Variants in SEMA3A observed in about 807,000 individuals in gnomAD.
SEMA3A encodes semaphorin-3A.
SEMA3A carries 29 observed loss-of-function variants against 97.9 expected under a neutral mutation model. That is an observed-to-expected ratio of 0.30 (90% CI 0.22 to 0.40). SEMA3A has a LOEUF of 0.40. Among genes scored for constraint, SEMA3A ranks in the 10% least tolerant of loss-of-function variants. The pLI is 1.00. For missense variants in SEMA3A, 763 were observed against 951.3 expected (o/e 0.80, Z 2.60); for synonymous variants, 321 against 323.7 (o/e 0.99, Z 0.09).
rs761061714 is a variant in SEMA3A, at chr7:84,014,287, G to A, written c.732C>T (p.Tyr244=). The A allele has an allele frequency of 1.2e-6, 2 of 1,613,108 alleles. No individual in the cohort carries two copies. The highest frequency in any genetic ancestry group is 1.7e-6 in the Non-Finnish European group (2 of 1,179,422). The change falls in exon 7 of 17, where the codon TAC becomes TAT. Residue 244 remains tyrosine, a synonymous_variant. Coordinates refer to ENST00000265362, the MANE Select transcript of SEMA3A (RefSeq NM_006080.3). ...CTATTGCATTTTCACGGAAGAAAAA[G>A]TATACTTTGTCATCTTCAGGATTGT... The part of the protein sequence containing the change: ...ESDNPEDDKV[Y]FFFRENAIDG...
At chr7:84,468,103 CTCATTGAAGAGTCTGGAAAAT>C (rs1806052443) in intron 1 of SEMA3A, among the ~76,000 whole-genome samples, 2 of 152,160 alleles carry the variant, frequency 1.3e-5, no homozygotes, top group Admixed American at 6.5e-5. Flanking sequence ...GTCCAACGAA[CTCATTGAAGAGTCTGGAAAAT>C]TTAAAACGAG....
At chr7:84,473,532 G>T (rs1039507526) in intron 1 of SEMA3A, among the ~76,000 whole-genome samples, 3 of 151,788 alleles carry the variant, frequency 2.0e-5, no homozygotes, top group Non-Finnish European at 4.4e-5. Flanking sequence ...GGGATTACAG[G>T]TGTGCACCAC....
chr7:84,131,780 T>A (rs1208368445), intron 2 of SEMA3A, among the ~76,000 whole-genome samples: 2 of 71,532 alleles, frequency 2.8e-5, no homozygotes, highest in Non-Finnish European at 5.0e-5. Context: ...AATTATTTAT[T>A]TATTTATTTA....
intron 3 of SEMA3A, among the ~76,000 whole-genome samples, chr7:84,282,136 C>A (rs183358192): frequency 4.5e-4 from 69 of 152,266 alleles, no homozygotes; most frequent in Non-Finnish European, 1.8e-4. Context: ...GCATATGTCA[C>A]AACATCATCC....
At chr7:84,197,547 A>G (rs1798259871), upstream of SEMA3A, among the ~76,000 whole-genome samples, 1 of 151,878 alleles carries the variant, frequency 6.6e-6, no homozygotes, top group Non-Finnish European at 1.5e-5. Context: ...AGAGTTGAAT[A>G]AAATTGTTTA....
intron 1 of SEMA3A, among the ~76,000 whole-genome samples, chr7:84,383,085 G>A (rs1158699559): frequency 3.9e-5 from 6 of 151,946 alleles, no homozygotes; most frequent in Admixed American, 1.3e-4. Flanking sequence ...TCTCTCTAAA[G>A]TTTTAGCCTA....
chr7:84,195,483 T>C (rs1798202399), upstream of SEMA3A: 3 of 151,776 alleles, frequency 2.0e-5, no homozygotes, highest in Non-Finnish European at 4.4e-5. Flanking sequence ...CTTTAACCAC[T>C]GAAGGTTTTA....
rs144395800 is a variant in SEMA3A, at chr7:84,467,245, G to A, written c.-246+25215C>T. ...TAAAGTAGAAATCAATTCCAGGGCC[G>A]GGCGCAGTGCCTCATGCCTGTAATC... On this transcript the variant is annotated intron_variant, in intron 1 of 3. Coordinates refer to the SEMA3A transcript ENST00000424555. Among the ~76,000 whole-genome samples the A allele has an allele frequency of 3.0e-3, 450 of 152,104 alleles. 1 individual carries two copies. Among genetic ancestry groups the A allele is most frequent in the African/African-American group, 0.01 (429 of 41,494 alleles).
rs112348641 is a variant in SEMA3A, at chr7:84,229,983, C to T, written c.-82-35315G>A. On this transcript the variant is annotated intron_variant, in intron 3 of 3. Coordinates refer to the SEMA3A transcript ENST00000424555. The stretch of plus-strand genomic sequence containing the variant: ...CTGGGACTGGCTCTGATCTTACCCC[C>T]CCTTTACTCTACTCAGTTCTCTTCA... Among the ~76,000 whole-genome samples the T allele has an allele frequency of 5.3e-5, 8 of 152,114 alleles. 1 individual carries two copies. Among genetic ancestry groups the T allele is most frequent in the African/African-American group, 1.9e-4 (8 of 41,524 alleles).
chr7:84,170,422 A>T (rs1034965800), intron 1 of SEMA3A, among the ~76,000 whole-genome samples: 1 of 151,944 alleles, frequency 6.6e-6, no homozygotes, highest in African/African-American at 2.4e-5. Context: ...GGTGCTTTTT[A>T]TGCTAATAAC....
At chr7:84,136,847 T>G (rs1367368517) in intron 1 of SEMA3A, among the ~76,000 whole-genome samples, 1 of 151,628 alleles carries the variant, frequency 6.6e-6, no homozygotes, top group Non-Finnish European at 1.5e-5. Flanking sequence ...CATTTCTTCA[T>G]GAGAAATAGT....
intron 4 of SEMA3A, among the ~76,000 whole-genome samples, chr7:84,063,110 C>A (rs879176159): frequency 4.6e-5 from 7 of 151,954 alleles, no homozygotes; most frequent in Admixed American, 4.6e-4. Context: ...GGTCCCTGAC[C>A]CCTGACCCCT....
intron 4 of SEMA3A, among the ~76,000 whole-genome samples, chr7:84,098,684 T>G (rs2115886814): frequency 6.6e-6 from 1 of 152,266 alleles, no homozygotes; most frequent in South Asian, 2.1e-4. Context: ...TGGATTTAAC[T>G]TGAAATTCAA....
chr7:84,157,064 A>G (rs1796866634), intron 1 of SEMA3A, among the ~76,000 whole-genome samples: 1 of 152,192 alleles, frequency 6.6e-6, no homozygotes, highest in Non-Finnish European at 1.5e-5. Flanking sequence ...ATTTTGATCA[A>G]GTGATTAAAT....
chr7:84,136,958 GAAGAAGGAAGGA>G (rs1222309977), intron 1 of SEMA3A, among the ~76,000 whole-genome samples: 4 of 44,802 alleles, frequency 8.9e-5, no homozygotes, highest in Admixed American at 2.7e-4. Flanking sequence ...AGGAGGGAGG[GAAGAAGGAAGGA>G]AGGAAGGAAG....
At position 84,001,982 on chromosome 7, in the gene SEMA3A, A is replaced by T; in HGVS notation, c.1425T>A (p.Val475=). ...PKETWYDLEE[V]LLEEMTVFRE... ...GAAAAACTGTCATTTCTTCCAGCAG[A>T]ACCTCTTCTAAATCATACCAAGTCT... The change falls in exon 12 of 17, where the codon GTT becomes GTA. Residue 475 remains valine (V), a synonymous_variant. Coordinates refer to ENST00000265362, the MANE Select transcript of SEMA3A (RefSeq NM_006080.3). 2 of 1,612,868 alleles carry T rather than the reference A, an allele frequency of 1.2e-6. No individual in the cohort carries two copies. The highest frequency in any genetic ancestry group is 1.1e-5 in the South Asian group (1 of 91,026).
intron 3 of SEMA3A, among the ~76,000 whole-genome samples, chr7:84,234,697 A>C (rs1017996816): frequency 2.0e-5 from 3 of 151,972 alleles, no homozygotes; most frequent in African/African-American, 7.2e-5. Context: ...TATCCCCTCC[A>C]TTCCAGCCCC....
chr7:84,457,969 G>C (rs905992993), intron 1 of SEMA3A, among the ~76,000 whole-genome samples: 4 of 151,910 alleles, frequency 2.6e-5, no homozygotes, highest in Non-Finnish European at 5.9e-5. Flanking sequence ...AGCCACCTTG[G>C]TAAGTGACCA....
chr7:84,368,998 T>A (rs2116093756), intron 2 of SEMA3A, among the ~76,000 whole-genome samples: 1 of 151,136 alleles, frequency 6.6e-6, no homozygotes, highest in East Asian at 2.0e-4. Context: ...ACTGCAGATC[T>A]CACTAGATCA....
Sources: allele counts gnomAD v4.1 joint callset (sites outside exome capture counted in the v4.1 genomes callset), GRCh38; gene constraint gnomAD v4.1.1; transcripts MANE v1.5; gene names NCBI Gene and HGNC (gene_info 2026-07-23, HGNC 2026-07-21).